Variants in CDK6 observed in about 807,000 individuals in gnomAD.
CDK6 encodes cyclin dependent kinase 6, also known as cyclin-dependent kinase 6.
Under a neutral mutation model 37.1 loss-of-function variants are expected in CDK6, and 6 were observed. The observed-to-expected ratio is 0.16, with a 90% CI of 0.09 to 0.32. The LOEUF (loss-of-function observed/expected upper bound fraction) is 0.32. CDK6 is among the 10% of genes least tolerant of loss of function. The pLI, the probability that CDK6 is intolerant of heterozygous loss-of-function variation, is 1.00. For synonymous variants in CDK6, 160 were observed against 161.3 expected (o/e 0.99, Z 0.06); for missense variants, 224 against 418.9 (o/e 0.53, Z 4.06).
chr7:92,759,228 A>T (rs1161761830), intron 3 of CDK6, among the ~76,000 whole-genome samples: 1 of 152,164 alleles, frequency 6.6e-6, no homozygotes, highest in African/African-American at 2.4e-5. Flanking sequence ...TGGCAAGTAA[A>T]AGACAAGGCG....
intron 4 of CDK6, among the ~76,000 whole-genome samples, chr7:92,703,975 T>C (rs541963590): frequency 8.5e-5 from 13 of 152,328 alleles, no homozygotes; most frequent in Admixed American, 2.0e-4. Context: ...TCAGCTGCAC[T>C]GACCTTCTTG....
chr7:92,790,019 G>C (rs1800242556), intron 2 of CDK6, among the ~76,000 whole-genome samples: 1 of 152,000 alleles, frequency 6.6e-6, no homozygotes, highest in East Asian at 1.9e-4. Flanking sequence ...TCTCCTTTAT[G>C]GTCACAGCTT....
intron 5 of CDK6, among the ~76,000 whole-genome samples, chr7:92,633,176 G>A (rs756827715): frequency 1.3e-5 from 2 of 152,054 alleles, no homozygotes; most frequent in African/African-American, 4.8e-5. Flanking sequence ...GGGAGCAGGA[G>A]TAATCTTTTC....
intron 3 of CDK6, among the ~76,000 whole-genome samples, chr7:92,769,532 T>C (rs1010056997): frequency 8.5e-5 from 13 of 152,136 alleles, no homozygotes; most frequent in African/African-American, 2.9e-4. Context: ...ATGCACAGAA[T>C]GTCCACAGAA....
chr7:92,659,034 A>G (rs1337678847), intron 5 of CDK6, among the ~76,000 whole-genome samples: 1 of 152,234 alleles, frequency 6.6e-6, no homozygotes, highest in Admixed American at 6.5e-5. Flanking sequence ...CTGGTTTTAC[A>G]TGCAAGGGCC....
At chr7:92,654,383 T>C (rs1027850480) in intron 5 of CDK6, among the ~76,000 whole-genome samples, 1 of 152,192 alleles carries the variant, frequency 6.6e-6, no homozygotes, top group African/African-American at 2.4e-5. Flanking sequence ...ATTTTTTCTT[T>C]TAGATAGTTG....
At chr7:92,628,693 C>G (rs895864899) in intron 5 of CDK6, among the ~76,000 whole-genome samples, 2 of 152,028 alleles carry the variant, frequency 1.3e-5, no homozygotes, top group Non-Finnish European at 2.9e-5. Context: ...GTATACACAC[C>G]AAGAGCCAAC....
At chr7:92,691,832 T>C (rs978742648) in intron 4 of CDK6, among the ~76,000 whole-genome samples, 3 of 152,216 alleles carry the variant, frequency 2.0e-5, no homozygotes, top group African/African-American at 7.2e-5. Flanking sequence ...AGATGTCAAA[T>C]ACAGGGAAGT....
At chr7:92,733,381 C>A (rs942623068) in intron 3 of CDK6, among the ~76,000 whole-genome samples, 1 of 152,302 alleles carries the variant, frequency 6.6e-6, no homozygotes, top group Admixed American at 6.5e-5. Context: ...CACTAGGATG[C>A]CCAGCTAATA....
chr7:92,777,235 T>C lies in CDK6; in HGVS notation c.234-2404A>G, dbSNP rs185199985. ...TGTAGATATGTGTCATTCTTTCTTGTTTTTTTTTCCTTTTTGTGAAGGAGT... is the reference window on the plus strand; with the variant it reads ...TGTAGATATGTGTCATTCTTTCTTGCTTTTTTTTCCTTTTTGTGAAGGAGT... On this transcript the variant is annotated intron_variant, in intron 2 of 7. Coordinates refer to ENST00000424848, the MANE Select transcript of CDK6 (RefSeq NM_001145306.2). Among the ~76,000 whole-genome samples the C allele has an allele frequency of 6.7e-5, 10 of 149,948 alleles. No individual in the cohort carries two copies. In the East Asian group the frequency reaches 1.4e-3, roughly 20 times the overall value.
chr7:92,736,226 C>T (rs572472943), intron 3 of CDK6, among the ~76,000 whole-genome samples: 10 of 151,940 alleles, frequency 6.6e-5, no homozygotes, highest in Non-Finnish European at 1.3e-4. Flanking sequence ...ATATATATGA[C>T]ATAGGATATT....
chr7:92,649,829 T>C lies in CDK6; in HGVS notation c.647+21597A>G, dbSNP rs148174544. 2.6e-5 allele frequency among the ~76,000 whole-genome samples: 4 copies of C among 152,332 alleles called. No homozygotes were observed. The East Asian group carries it at 7.7e-4, about 29-fold the overall frequency. Reference sequence around the variant, plus strand: ...AGCATATGTCAGCAAACTTCCACATTACCAGTGTAATTCATACCACAAAGC... The same window carrying C: ...AGCATATGTCAGCAAACTTCCACATCACCAGTGTAATTCATACCACAAAGC... On this transcript the variant is annotated intron_variant, in intron 5 of 7. Coordinates refer to ENST00000424848, the MANE Select transcript of CDK6 (RefSeq NM_001145306.2).
At chr7:92,687,930 T>A (rs1797500768) in intron 4 of CDK6, among the ~76,000 whole-genome samples, 1 of 152,206 alleles carries the variant, frequency 6.6e-6, no homozygotes, top group Non-Finnish European at 1.5e-5. Flanking sequence ...ATGTAAAAAC[T>A]GTGTATGCTG....
chr7:92,695,989 T>C (rs1367689527), intron 4 of CDK6, among the ~76,000 whole-genome samples: 1 of 152,134 alleles, frequency 6.6e-6, no homozygotes, highest in African/African-American at 2.4e-5. Context: ...GAAAGAAGCA[T>C]GTATTCAATC....
At chr7:92,731,593 T>A (rs1010987251) in intron 3 of CDK6, among the ~76,000 whole-genome samples, 1 of 152,198 alleles carries the variant, frequency 6.6e-6, no homozygotes, top group Admixed American at 6.5e-5. Flanking sequence ...TTTTTACTGC[T>A]TCTAGGCAAC....
intron 4 of CDK6, among the ~76,000 whole-genome samples, chr7:92,685,583 A>G (rs911798651): frequency 6.6e-6 from 1 of 152,204 alleles, no homozygotes; most frequent in Non-Finnish European, 1.5e-5. Flanking sequence ...CCTAAGAAAT[A>G]TTCCACAAAA....
At chr7:92,686,651 G>A (rs940148383) in intron 4 of CDK6, among the ~76,000 whole-genome samples, 6 of 152,206 alleles carry the variant, frequency 3.9e-5, no homozygotes, top group Non-Finnish European at 8.8e-5. Context: ...ACCCAGGAAT[G>A]GGATTGCTAG....
chr7:92,660,487 T>A (rs1221335656), intron 5 of CDK6, among the ~76,000 whole-genome samples: 1 of 152,140 alleles, frequency 6.6e-6, no homozygotes, highest in Non-Finnish European at 1.5e-5. Context: ...ATGGCCAGAA[T>A]AGAGTTGGAG....
chr7:92,814,884 ATT>A (rs1800986386), intron 2 of CDK6, among the ~76,000 whole-genome samples: 1 of 151,888 alleles, frequency 6.6e-6, no homozygotes, highest in Admixed American at 6.6e-5. Context: ...GTACCCCTTC[ATT>A]TCAAAATCAT....
Sources: allele counts gnomAD v4.1 joint callset (sites outside exome capture counted in the v4.1 genomes callset), GRCh38; gene constraint gnomAD v4.1.1; transcripts MANE v1.5; gene names NCBI Gene and HGNC (gene_info 2026-07-23, HGNC 2026-07-21).